Variants in ATP11B observed in about 807,000 individuals in gnomAD.
ATP11B encodes phospholipid-transporting ATPase IF.
In ATP11B, 81 loss-of-function variants were observed where a neutral mutation model predicts 157.8. That is an observed-to-expected ratio of 0.51 (90% CI 0.43 to 0.62). The LOEUF is 0.62. ATP11B is among the 20% of genes least tolerant of loss of function. The pLI is 0.00. For missense variants in ATP11B, 1,165 were observed against 1,402.2 expected, an observed-to-expected ratio of 0.83 and a Z score of 2.70; for synonymous variants, 451 against 469.4, an observed-to-expected ratio of 0.96 and a Z score of 0.51.
At chr3:182,907,356 C>A (rs1341810279) in intron 28 of ATP11B, among the ~76,000 whole-genome samples, 1 of 152,176 alleles carries the variant, frequency 6.6e-6, no homozygotes, top group East Asian at 1.9e-4. Flanking sequence ...AACAAAGCCA[C>A]TTGAAAATTG....
At chr3:182,886,913 T>C (rs1560114259) in intron 23 of ATP11B, among the ~76,000 whole-genome samples, 1 of 152,202 alleles carries the variant, frequency 6.6e-6, no homozygotes, top group African/African-American at 2.4e-5. Flanking sequence ...AAAGTTTGTT[T>C]ACCTAAATGA....
chr3:182,914,819 TA>T (rs1725035684), intron 29 of ATP11B: 3 of 985,236 alleles, frequency 3.0e-6, no homozygotes, highest in Non-Finnish European at 3.6e-6. Flanking sequence ...TAGAGGATGT[TA>T]GGGGGTAGAA....
Position 182,884,906 on chromosome 3 carries a change from T to A in ATP11B, c.2655+8T>A, listed in dbSNP as rs780301889. 5.9e-6 allele frequency: 8 copies of A among 1,349,092 alleles called. No individual in the cohort carries two copies. Among genetic ancestry groups the A allele is most frequent in the Non-Finnish European group, 8.2e-6 (8 of 981,432 alleles). 83.6% of individuals were successfully genotyped at this position (1,349,092 alleles called of 1,614,324 possible). ...CAGTATTTTTTTTATAAGGTGAGTT[T>A]CATGTATTTAGAATCAATTATTGAT... On this transcript the variant is annotated splice_region_variant and intron_variant, in intron 22 of 29. Transcript: ENST00000323116.
At position 182,895,112 on chromosome 3, in the gene ATP11B, CA is replaced by C. The variant is rs368282275; in HGVS notation, c.2983-1564del. On this transcript the variant is annotated intron_variant, in intron 25 of 29. Coordinates refer to ENST00000323116, the MANE Select transcript of ATP11B (RefSeq NM_014616.3). The stretch of plus-strand genomic sequence containing the variant: ...TGGGTGACAGATGGAGACCCTGACT[CA>C]AAAAAAAAAAAAAAAAAAAAAAAGG... 4.8e-3 allele frequency among the ~76,000 whole-genome samples: 328 copies of C among 68,170 alleles called. 2 individuals carry two copies. Among genetic ancestry groups the C allele is most frequent in the East Asian group, 0.025 (60 of 2,410 alleles). 44.7% of individuals were successfully genotyped at this position (68,170 alleles called of 152,430 possible).
In ATP11B at chr3:182,889,388, C is replaced by A. The variant is rs867382898; in HGVS notation, c.2844-22C>A. 24 of 1,488,776 alleles carry A rather than the reference C, an allele frequency of 1.6e-5. 1 individual carries two copies. In the Middle Eastern group the frequency reaches 2.4e-3, roughly 147 times the overall value. 92.2% of individuals were successfully genotyped at this position (1,488,776 alleles called of 1,614,324 possible). ...ATAATAAATGATCCCTAATATGTTTCTTTTTCTCTTCTTTTTAACAGAGAC... is the reference window on the plus strand; with the variant it reads ...ATAATAAATGATCCCTAATATGTTTATTTTTCTCTTCTTTTTAACAGAGAC... On this transcript the variant is annotated intron_variant, in intron 24 of 29. Coordinates refer to ENST00000323116, the MANE Select transcript of ATP11B (RefSeq NM_014616.3).
chr3:182,862,818 GTTTT>G (rs61125208), intron 12 of ATP11B, among the ~76,000 whole-genome samples: 7 of 142,764 alleles, frequency 4.9e-5, no homozygotes, highest in Non-Finnish European at 9.3e-5. Context: ...TTCTTTTTCT[GTTTT>G]TTTTTTTATC....
chr3:182,901,009 G>A (rs1006636022), intron 28 of ATP11B, among the ~76,000 whole-genome samples: 73 of 152,012 alleles, frequency 4.8e-4, no homozygotes, highest in African/African-American at 1.7e-3. Flanking sequence ...GTGAAACACC[G>A]TCTCTACTAA....
chr3:182,891,652 T>G (rs1317674170), intron 25 of ATP11B, among the ~76,000 whole-genome samples: 1 of 152,222 alleles, frequency 6.6e-6, no homozygotes, highest in Non-Finnish European at 1.5e-5. Context: ...TTGAACATTC[T>G]TTATACAGAA....
intron 25 of ATP11B, among the ~76,000 whole-genome samples, chr3:182,893,240 T>C (rs1267290454): frequency 6.6e-6 from 1 of 152,234 alleles, no homozygotes; most frequent in Non-Finnish European, 1.5e-5. Context: ...TTATTTACTT[T>C]TTTTTTACAT....
At chr3:182,799,592 A>G (rs987472438) in intron 1 of ATP11B, among the ~76,000 whole-genome samples, 1 of 152,120 alleles carries the variant, frequency 6.6e-6, no homozygotes, top group Non-Finnish European at 1.5e-5. Context: ...TGATCATTCT[A>G]AGCAAGATAA....
At chr3:182,914,324 T>A (rs1725002313) in intron 29 of ATP11B, 12 of 987,750 alleles carry the variant, frequency 1.2e-5, no homozygotes, top group Non-Finnish European at 1.4e-5. Context: ...TTTTAAATTA[T>A]ACATATACTA....
At chr3:182,874,948 C>T (rs561018020) in intron 19 of ATP11B, among the ~76,000 whole-genome samples, 22 of 151,774 alleles carry the variant, frequency 1.4e-4, no homozygotes, top group South Asian at 6.2e-4. Flanking sequence ...CTCTCTGGCC[C>T]GTAACAGAAA....
chr3:182,886,620 A>G (rs1296350670), intron 23 of ATP11B, among the ~76,000 whole-genome samples: 5 of 152,166 alleles, frequency 3.3e-5, no homozygotes, highest in African/African-American at 1.2e-4. Flanking sequence ...TTTCTAGAAA[A>G]GAAAAATGAA....
At position 182,897,333 on chromosome 3, in the gene ATP11B, A is replaced by G. The variant is rs761521895; in HGVS notation, c.3079A>G (p.Ile1027Val). The G allele has an allele frequency of 3.8e-6, 6 of 1,584,092 alleles. No homozygotes were observed. The African/African-American group carries it at 4.1e-5, about 11-fold the overall frequency. ...TCTGGAAACTCATTTTTGGACTTGG[A>G]TCAACCATCTCGTTACCTGGGGATC... ...MALETHFWTW[I>V]NHLVTWGSII... The change falls in exon 27 of 30, where the codon ATC becomes GTC. Residue 1027 changes from isoleucine to valine, a missense_variant. Physicochemically the swap from Ile to Val is conservative, Grantham distance 29. This residue lies in a region of ATP11B where 303 missense variants were observed against 296.3 expected (regional missense o/e 1.02). Coordinates refer to ENST00000323116, the MANE Select transcript of ATP11B (RefSeq NM_014616.3).
At chr3:182,914,298 T>C (rs1037551559) in intron 29 of ATP11B, 2 of 1,040,662 alleles carry the variant, frequency 1.9e-6, no homozygotes, top group Non-Finnish European at 2.3e-6. Context: ...TCTTTTATGG[T>C]TTGTATAACT....
intron 28 of ATP11B, among the ~76,000 whole-genome samples, chr3:182,904,178 C>A (rs1246496525): frequency 1.3e-5 from 2 of 152,194 alleles, no homozygotes. Flanking sequence ...GTGCTACTCC[C>A]AGTGGGTCCT....
chr3:182,857,593 A>G (rs1720506640), intron 10 of ATP11B, among the ~76,000 whole-genome samples: 1 of 151,888 alleles, frequency 6.6e-6, no homozygotes, highest in Admixed American at 6.5e-5. Context: ...ATAATTACTT[A>G]TGGCAAAAAT....
chr3:182,844,533 A>G (rs1301938533), intron 8 of ATP11B: 2 of 981,832 alleles, frequency 2.0e-6, no homozygotes, highest in East Asian at 2.3e-4. Context: ...GTCGTTTTAT[A>G]TCTCCTTTAT....
intron 7 of ATP11B, among the ~76,000 whole-genome samples, chr3:182,839,399 CA>C (rs1373915819): frequency 3.3e-5 from 5 of 152,078 alleles, no homozygotes; most frequent in African/African-American, 1.2e-4. Flanking sequence ...ACCTATATAA[CA>C]AACCTGCACA....
Sources: gnomAD v4.1 joint callset for allele counts (sites outside exome capture counted in the v4.1 genomes callset) on GRCh38, gnomAD v4.1.1 for gene constraint, gnomAD v4.1.1 regional missense constraint, MANE v1.5 for transcripts, NCBI Gene and HGNC (gene_info 2026-07-23, HGNC 2026-07-21) for gene names.